Variants in CDC42BPA observed in about 807,000 individuals in gnomAD.
CDC42BPA encodes serine/threonine-protein kinase MRCK alpha.
Under a neutral mutation model 223.5 loss-of-function variants are expected in CDC42BPA, and 80 were observed. The ratio of observed to expected loss-of-function variants is 0.36; its 90% CI spans 0.30 to 0.43. The LOEUF (loss-of-function observed/expected upper bound fraction) is 0.43, where lower values mean the gene tolerates loss of function less well. Among genes scored for constraint, CDC42BPA ranks in the 20% least tolerant of loss-of-function variants. The pLI is 1.00. For missense variants in CDC42BPA, 1,743 were observed against 2,099.9 expected (o/e 0.83, Z 3.32); for synonymous variants, 694 against 718.6 (o/e 0.97, Z 0.55).
At chr1:227,007,898 C>T (rs750686132) in intron 34 of CDC42BPA, among the ~76,000 whole-genome samples, 1 of 152,150 alleles carries the variant, frequency 6.6e-6, no homozygotes, top group African/African-American at 2.4e-5. Context: ...TTTTACTAAA[C>T]GTCCTCATAC....
At position 227,033,421 on chromosome 1, in the gene CDC42BPA, C is replaced by T. The variant is rs746623100; in HGVS notation, c.3477-6G>A. ...TCACAGAAAATTCTTCATCCCTGAA[C>T]GAAAAGCAAAGCATTAAAAGTTACT... On this transcript the variant is annotated splice_region_variant and splice_polypyrimidine_tract_variant and intron_variant, in intron 26 of 36. Coordinates refer to ENST00000366766, the MANE Select transcript of CDC42BPA (RefSeq NM_001394014.1). 1.1e-5 allele frequency: 18 copies of T among 1,607,348 alleles called. No individual in the cohort carries two copies. Among genetic ancestry groups the T allele is most frequent in the South Asian group, 3.3e-5 (3 of 90,910 alleles).
At chr1:227,061,443 A>T (rs1675909870) in intron 21 of CDC42BPA, among the ~76,000 whole-genome samples, 1 of 152,254 alleles carries the variant, frequency 6.6e-6, no homozygotes, top group South Asian at 2.1e-4. Flanking sequence ...TAGAAGATGG[A>T]TCAACTTGCC....
chr1:227,191,181 TA>T (rs1308532030), intron 5 of CDC42BPA, among the ~76,000 whole-genome samples: 4 of 151,876 alleles, frequency 2.6e-5, no homozygotes, highest in Non-Finnish European at 5.9e-5. Context: ...CCACCTCTAC[TA>T]AAAGCACAAA....
chr1:227,275,010 T>G (rs971369706), intron 1 of CDC42BPA, among the ~76,000 whole-genome samples: 1 of 152,108 alleles, frequency 6.6e-6, no homozygotes, highest in African/African-American at 2.4e-5. Flanking sequence ...AATTGATAAG[T>G]GAAGCATACA....
Position 227,030,474 on chromosome 1 carries a change from T to G in CDC42BPA, c.3776-4A>C, listed in dbSNP as rs759369190. 1.9e-6 allele frequency: 3 copies of G among 1,558,020 alleles called. No individual in the cohort carries two copies. In the Admixed American group the frequency reaches 5.5e-5, roughly 29 times the overall value. On this transcript the variant is annotated splice_region_variant and splice_polypyrimidine_tract_variant and intron_variant, in intron 28 of 36. Transcript: ENST00000366766. ...CCCAAAGCAATTCTTTCATGATCTA[T>G]GTAAGACATGAATGTGAAAGATTTT...
At chr1:227,079,145 T>C (rs1360361250) in intron 17 of CDC42BPA, among the ~76,000 whole-genome samples, 4 of 152,130 alleles carry the variant, frequency 2.6e-5, no homozygotes, top group Non-Finnish European at 4.4e-5. Flanking sequence ...ACTTTTTCCC[T>C]TTGGGTATTT....
At chr1:227,133,940 A>C (rs1418970429) in intron 10 of CDC42BPA, among the ~76,000 whole-genome samples, 1 of 143,788 alleles carries the variant, frequency 7.0e-6, no homozygotes. Flanking sequence ...CCTCTGCGAG[A>C]AACACCCAAG....
chr1:227,048,226 A>G (rs1041461911), intron 22 of CDC42BPA, among the ~76,000 whole-genome samples: 2 of 152,076 alleles, frequency 1.3e-5, no homozygotes, highest in Non-Finnish European at 2.9e-5. Context: ...TATTTGTTCA[A>G]TTAGTAAGTT....
chr1:227,200,445 C>A (rs28680493), intron 3 of CDC42BPA, among the ~76,000 whole-genome samples: 2,268 of 109,084 alleles, frequency 0.021, 66 homozygotes, highest in African/African-American at 0.063. Context: ...AACAAACAAA[C>A]AAAAAAAAAA....
Position 227,057,450 on chromosome 1 carries a change from C to T in CDC42BPA, c.2905-5465G>A, listed in dbSNP as rs552573720. On this transcript the variant is annotated intron_variant, in intron 21 of 36. Coordinates refer to ENST00000366766, the MANE Select transcript of CDC42BPA (RefSeq NM_001394014.1). ...ATAAAATCTTATGCTACTGTTACAA[C>T]AGAGGCCATTGTTAAGAATGGTAAC... 2.6e-5 allele frequency among the ~76,000 whole-genome samples: 4 copies of T among 152,236 alleles called. No homozygotes were observed. The South Asian group carries it at 6.2e-4, about 24-fold the overall frequency.
chr1:227,317,394 G>A lies in CDC42BPA; in HGVS notation c.-212C>T, dbSNP rs1344143689. The A allele has an allele frequency of 4.4e-6, 2 of 456,512 alleles. No individual in the cohort carries two copies. The highest frequency in any genetic ancestry group is 7.6e-6 in the Non-Finnish European group (2 of 263,588). The allele number at this position is 456,512 out of a possible 1,614,324, so 28.3% of individuals were successfully genotyped here. On this transcript the variant is annotated 5_prime_UTR_variant, in exon 1 of 37. An upstream open reading frame in the 5' UTR gains an earlier in-frame stop. Transcript: ENST00000366766. ...AATTTCACCCATATACATATATTTT[G>A]AGGGTAAATTACCATAAAATATATA... is the stretch of plus-strand genomic sequence containing the variant.
chr1:227,088,039 T>C (rs772624754), intron 16 of CDC42BPA, among the ~76,000 whole-genome samples: 4 of 152,218 alleles, frequency 2.6e-5, no homozygotes, highest in Non-Finnish European at 5.9e-5. Context: ...CAGTTTTCAA[T>C]AGATTGCTTA....
intron 2 of CDC42BPA, among the ~76,000 whole-genome samples, chr1:227,238,189 AT>A (rs34346129): frequency 0.27 from 40,233 of 147,500 alleles, 5,724 homozygotes; most frequent in East Asian, 0.49. Context: ...CCCCATCTCT[AT>A]TTTTTTTTTT....
chr1:227,051,883 T>A lies in CDC42BPA; in HGVS notation c.3007A>T (p.Lys1003Ter). ...GCAGGGATGCTCCAATAAGGCACCT[T>A]AACTGGCTCAGCTTCACTAGATGTG... ...PSTSSEAEPVKTVDSTPLSVH... is the reference protein window; with the variant it reads ...PSTSSEAEPV Residue 1003 changes from lysine to a stop codon, truncating the protein, a stop_gained and splice_region_variant, in exon 22 of 37, where the codon AAG becomes TAG. Transcript: ENST00000366766. LOFTEE classifies it high-confidence loss of function. 1 of 1,365,020 alleles carries A rather than the reference T, an allele frequency of 7.3e-7. No individual in the cohort carries two copies. The highest frequency in any genetic ancestry group is 1.5e-5 in the African/African-American group (1 of 67,846). 84.6% of individuals were successfully genotyped at this position (1,365,020 alleles called of 1,614,324 possible).
At chr1:227,275,752 G>A (rs892736167) in intron 1 of CDC42BPA, among the ~76,000 whole-genome samples, 6 of 152,064 alleles carry the variant, frequency 3.9e-5, no homozygotes, top group African/African-American at 9.7e-5. Flanking sequence ...GCAGGCACGC[G>A]CCGCCACGCC....
chr1:227,188,083 A>G (rs1237747623), intron 5 of CDC42BPA, among the ~76,000 whole-genome samples: 1 of 152,192 alleles, frequency 6.6e-6, no homozygotes, highest in Non-Finnish European at 1.5e-5. Flanking sequence ...ACAGCATCAG[A>G]GAATGAATAA....
chr1:227,288,831 C>T (rs1389331488), intron 1 of CDC42BPA, among the ~76,000 whole-genome samples: 1 of 150,966 alleles, frequency 6.6e-6, no homozygotes, highest in Non-Finnish European at 1.5e-5. Flanking sequence ...CCCGTCTCTA[C>T]TAAAAATACA....
chr1:227,116,902 G>C (rs960072776), intron 12 of CDC42BPA, among the ~76,000 whole-genome samples: 1 of 152,112 alleles, frequency 6.6e-6, no homozygotes, highest in Non-Finnish European at 1.5e-5. Context: ...GAGACTCTGG[G>C]CTTATATTTC....
intron 17 of CDC42BPA, among the ~76,000 whole-genome samples, chr1:227,079,622 C>A (rs1421125333): frequency 1.3e-5 from 2 of 151,962 alleles, no homozygotes; most frequent in Non-Finnish European, 2.9e-5. Context: ...ATTAATGAAC[C>A]AATAACTGTA....
Sources: allele counts gnomAD v4.1 joint callset (sites outside exome capture counted in the v4.1 genomes callset), GRCh38; gene constraint gnomAD v4.1.1; transcripts MANE v1.5; gene names NCBI Gene and HGNC (gene_info 2026-07-23, HGNC 2026-07-21).